DNAJC25: variants seen among roughly 807,000 people sequenced by gnomAD.
DNAJC25 encodes dnaJ homolog subfamily C member 25.
DNAJC25 carries 26 observed loss-of-function variants against 42.1 expected under a neutral mutation model. The observed-to-expected ratio is 0.62, with a 90% CI of 0.45 to 0.86. The LOEUF (loss-of-function observed/expected upper bound fraction) is 0.86, where lower values mean the gene tolerates loss of function less well. Among genes scored for constraint, DNAJC25 ranks in the 40% least tolerant of loss-of-function variants. The pLI, the probability that DNAJC25 is intolerant of heterozygous loss-of-function variation, is 0.00. For synonymous variants in DNAJC25, 189 were observed against 179.9 expected, an observed-to-expected ratio of 1.05 and a Z score of -0.40; for missense variants, 404 against 459.4, an observed-to-expected ratio of 0.88 and a Z score of 1.10.
At chr9:111,644,130 G>C (rs1830529698) in intron 1 of DNAJC25, among the ~76,000 whole-genome samples, 1 of 152,176 alleles carries the variant, frequency 6.6e-6, no homozygotes, top group Admixed American at 6.5e-5. Context: ...CAACTTTTTA[G>C]TCTAATCATG....
Position 111,647,172 on chromosome 9 carries a change from C to T in DNAJC25, c.402C>T (p.Tyr134=), listed in dbSNP as rs759768587. ...ATCCAGAAGAGTACTACAGCCATTA[C>T]TACCACTACTATAGCAGGCGCTTGG... ...LDHPEEYYSH[Y]YHYYSRRLAP... Residue 134 remains tyrosine, a synonymous_variant, in exon 2 of 4, where the codon TAC becomes TAT. Transcript: ENST00000313525. 6.8e-6 allele frequency: 11 copies of T among 1,614,182 alleles called. 1 individual carries two copies. The South Asian group carries it at 7.7e-5, about 11-fold the overall frequency.
intron 1 of DNAJC25, among the ~76,000 whole-genome samples, chr9:111,634,649 A>G (rs1830338546): frequency 1.3e-5 from 2 of 152,298 alleles, no homozygotes. Context: ...AATGGAAACT[A>G]TAATTATGTA....
At chr9:111,642,742 A>T (rs746920256) in intron 1 of DNAJC25, 2 of 384,210 alleles carry the variant, frequency 5.2e-6, no homozygotes, top group Non-Finnish European at 5.6e-6. Flanking sequence ...AACATAATAT[A>T]TTTTTGCCTC....
chr9:111,651,846 C>CAAA (rs370573333), intron 3 of DNAJC25, among the ~76,000 whole-genome samples: 2 of 93,002 alleles, frequency 2.2e-5, no homozygotes, highest in Non-Finnish European at 4.4e-5. Flanking sequence ...GACCCCATCT[C>CAAA]AAAAAAAAAA....
chr9:111,641,173 A>G (rs1589343599), intron 1 of DNAJC25, among the ~76,000 whole-genome samples: 1 of 98,516 alleles, frequency 1.0e-5, no homozygotes, highest in Non-Finnish European at 1.9e-5. Context: ...TCCGGGAGGG[A>G]GGTGGGGGGG....
intron 1 of DNAJC25, among the ~76,000 whole-genome samples, chr9:111,646,019 C>T (rs1326068947): frequency 2.0e-5 from 3 of 152,076 alleles, no homozygotes; most frequent in East Asian, 3.9e-4. Context: ...GCAATCCTCC[C>T]GCCTTGGCCT....
At chr9:111,639,969 G>A (rs1175192281) in intron 1 of DNAJC25, among the ~76,000 whole-genome samples, 1 of 133,818 alleles carries the variant, frequency 7.5e-6, no homozygotes, top group Non-Finnish European at 1.5e-5. Flanking sequence ...TCTCCCCATG[G>A]TCTCCCTCTC....
intron 1 of DNAJC25, among the ~76,000 whole-genome samples, chr9:111,645,293 C>A (rs953893683): frequency 2.0e-5 from 3 of 150,208 alleles, no homozygotes; most frequent in Non-Finnish European, 4.4e-5. Context: ...CTCGCTCTGT[C>A]GCCCAGGCTG....
At chr9:111,651,385 T>C (rs1830658662) in intron 3 of DNAJC25, among the ~76,000 whole-genome samples, 1 of 152,232 alleles carries the variant, frequency 6.6e-6, no homozygotes, top group Non-Finnish European at 1.5e-5. Context: ...AAGTTTTCTT[T>C]TTTAAGAAGG....
chr9:111,642,611 AAAT>A (rs748518488), intron 1 of DNAJC25, among the ~76,000 whole-genome samples: 20,144 of 142,200 alleles, frequency 0.14, 1,946 homozygotes, highest in African/African-American at 0.34. Context: ...ATCAATAAAT[AAAT>A]AAATAAATAA....
intron 1 of DNAJC25, among the ~76,000 whole-genome samples, chr9:111,640,137 G>C (rs1438117122): frequency 7.3e-6 from 1 of 137,188 alleles, no homozygotes; most frequent in African/African-American, 2.8e-5. Context: ...TGTGTTGGCC[G>C]GGCCGGTCTC....
intron 1 of DNAJC25, among the ~76,000 whole-genome samples, chr9:111,641,638 C>G (rs1301591584): frequency 5.0e-5 from 7 of 139,616 alleles, no homozygotes; most frequent in South Asian, 2.2e-4. Flanking sequence ...GGGGGTCAGC[C>G]CCCCGCCCGG....
At chr9:111,644,575 C>T (rs1019650743) in intron 1 of DNAJC25, among the ~76,000 whole-genome samples, 1 of 152,212 alleles carries the variant, frequency 6.6e-6, no homozygotes, top group Non-Finnish European at 1.5e-5. Context: ...CCATATACTT[C>T]AACCAGGAGG....
At chr9:111,635,690 A>C (rs1433396026) in intron 1 of DNAJC25, among the ~76,000 whole-genome samples, 1 of 152,266 alleles carries the variant, frequency 6.6e-6, no homozygotes, top group Non-Finnish European at 1.5e-5. Flanking sequence ...ATTTTGCAGG[A>C]TCACAAGAAA....
rs563176577 is a variant in DNAJC25 at position 111,636,074 on chromosome 9, T to C, written c.336+4331T>C. Among the ~76,000 whole-genome samples, 3 of 152,352 alleles carry C rather than the reference T, an allele frequency of 2.0e-5. No individual in the cohort carries two copies. The South Asian group carries it at 6.2e-4, about 32-fold the overall frequency. On this transcript the variant is annotated intron_variant, in intron 1 of 3. Coordinates refer to ENST00000313525, the MANE Select transcript of DNAJC25 (RefSeq NM_001015882.3). ...AGGGAAACAGATACTTATTGTTCAG[T>C]TATTATATAAGTTATATAATACAAG...
intron 1 of DNAJC25, among the ~76,000 whole-genome samples, chr9:111,632,613 G>A (rs1830301309): frequency 6.6e-6 from 1 of 151,960 alleles, no homozygotes; most frequent in African/African-American, 2.4e-5. Flanking sequence ...CGTACTTGAT[G>A]GTGGTATTAC....
rs766344689 is a variant in DNAJC25 at position 111,631,547 on chromosome 9, C to A, written c.140C>A (p.Thr47Lys). 2.1e-4 allele frequency: 286 copies of A among 1,387,044 alleles called. No homozygotes were observed. Among genetic ancestry groups the A allele is most frequent in the Non-Finnish European group, 2.6e-4 (276 of 1,079,440 alleles). 85.9% of individuals were successfully genotyped at this position (1,387,044 alleles called of 1,614,324 possible). The part of the protein sequence containing the change: ...GALVEGLYCG[T>K]RDCYEVLGVS... ...CTGGTGGAGGGGCTCTACTGCGGCACGCGGGACTGCTACGAGGTGCTGGGC... is the reference window on the plus strand; with the variant it reads ...CTGGTGGAGGGGCTCTACTGCGGCAAGCGGGACTGCTACGAGGTGCTGGGC... Residue 47 changes from threonine (T) to lysine (K), a missense_variant, in exon 1 of 4, where the codon ACG becomes AAG. Thr to Lys is a moderately conservative substitution (Grantham distance 78). Coordinates refer to ENST00000313525, the MANE Select transcript of DNAJC25 (RefSeq NM_001015882.3).
Position 111,643,205 on chromosome 9 carries a change from C to T in DNAJC25, c.337-3902C>T, listed in dbSNP as rs7848412. The stretch of plus-strand genomic sequence containing the variant: ...TGCCAAACTGAAGTTTTTATGACAT[C>T]GCCACCCATCCAGCCTTGCTGGTGA... On this transcript the variant is annotated intron_variant, in intron 1 of 3. Coordinates refer to ENST00000313525, the MANE Select transcript of DNAJC25 (RefSeq NM_001015882.3). The T allele has an allele frequency of 2.4e-3, 608 of 253,200 alleles. 7 individuals carry two copies. Among genetic ancestry groups the T allele is most frequent in the African/African-American group, 0.012 (553 of 45,418 alleles). 15.7% of individuals were successfully genotyped at this position (253,200 alleles called of 1,614,324 possible).
At chr9:111,636,004 A>G (rs1213975027) in intron 1 of DNAJC25, among the ~76,000 whole-genome samples, 1 of 152,216 alleles carries the variant, frequency 6.6e-6, no homozygotes, top group East Asian at 1.9e-4. Flanking sequence ...AGGAGACCAT[A>G]ACAAAGGAAA....
Sources: allele counts gnomAD v4.1 joint callset (sites outside exome capture counted in the v4.1 genomes callset), GRCh38; gene constraint gnomAD v4.1.1; transcripts MANE v1.5; gene names NCBI Gene and HGNC (gene_info 2026-07-23, HGNC 2026-07-21).